The following LGSN variants were observed in gnomAD, a reference collection of about 807,000 sequenced individuals.
LGSN encodes the protein lengsin, lens protein with glutamine synthetase domain, also known as lengsin.
A neutral mutation model predicts 19.5 loss-of-function variants in LGSN; 21 were observed. The ratio of observed to expected loss-of-function variants is 1.07; its 90% confidence interval spans 0.76 to 1.55. The LOEUF (loss-of-function observed/expected upper bound fraction) is 1.55. LGSN is among the 40% of genes most tolerant of loss of function. LGSN has a pLI of 0.00. For synonymous variants in LGSN, 257 were observed against 215.6 expected, an observed-to-expected ratio of 1.19 and a Z score of -1.68; for missense variants, 673 against 608.5, an observed-to-expected ratio of 1.11 and a Z score of -1.12.
intron 1 of LGSN, among the ~76,000 whole-genome samples, chr6:63,297,942 T>C (rs919914964): frequency 6.6e-6 from 1 of 152,242 alleles, no homozygotes; most frequent in African/African-American, 2.4e-5. Flanking sequence ...TCCCATCTTC[T>C]GTACCAAGAT....
At chr6:63,471,563 C>T in the LGSN span, among the ~76,000 whole-genome samples, 38 of 151,322 alleles carry the variant, frequency 2.5e-4, no homozygotes, top group African/African-American at 5.8e-4. Flanking sequence ...CTACTTGGGA[C>T]GCTAGGCAGG....
intron 1 of LGSN, among the ~76,000 whole-genome samples, chr6:63,307,203 A>T (rs899766832): frequency 1.3e-5 from 2 of 152,174 alleles, no homozygotes; most frequent in Admixed American, 6.5e-5. Flanking sequence ...ATTTAGTCTG[A>T]AAAATATCCC....
the LGSN span, among the ~76,000 whole-genome samples, chr6:63,369,071 C>T: frequency 3.9e-5 from 6 of 152,142 alleles, no homozygotes; most frequent in Admixed American, 2.0e-4. Flanking sequence ...AGGAAGGGAA[C>T]ATCAGTTTAA....
chr6:63,302,973 C>G (rs549971493), intron 1 of LGSN, among the ~76,000 whole-genome samples: 1 of 152,208 alleles, frequency 6.6e-6, no homozygotes, highest in Admixed American at 6.5e-5. Flanking sequence ...ACTAAAAATG[C>G]AAAAATTATT....
At chr6:63,331,220 G>A in the LGSN span, among the ~76,000 whole-genome samples, 1 of 152,156 alleles carries the variant, frequency 6.6e-6, no homozygotes, top group Admixed American at 6.5e-5. Flanking sequence ...CCTCTGGGAT[G>A]TAAATTGCAA....
the LGSN span, among the ~76,000 whole-genome samples, chr6:63,422,188 C>G: frequency 1.3e-5 from 2 of 152,124 alleles, no homozygotes; most frequent in Non-Finnish European, 2.9e-5. Flanking sequence ...CTCAACCTCC[C>G]TAGAAGTTGG....
the LGSN span, among the ~76,000 whole-genome samples, chr6:63,442,102 C>G: frequency 2.0e-5 from 3 of 152,292 alleles, no homozygotes; most frequent in East Asian, 5.8e-4. Flanking sequence ...CTCTTAAAGA[C>G]AGCGCATCTG....
chr6:63,406,370 AACTC>A, the LGSN span, among the ~76,000 whole-genome samples: 144 of 152,170 alleles, frequency 9.5e-4, 2 homozygotes, highest in African/African-American at 3.2e-3. Flanking sequence ...AGGATTAAGA[AACTC>A]ACTCAAAACC....
chr6:63,491,944 G>T, the LGSN span, among the ~76,000 whole-genome samples: 1 of 151,736 alleles, frequency 6.6e-6, no homozygotes, highest in Non-Finnish European at 1.5e-5. Flanking sequence ...CAGGAGAATC[G>T]CTTGAACCCG....
chr6:63,500,703 G>A, the LGSN span, among the ~76,000 whole-genome samples: 1 of 151,554 alleles, frequency 6.6e-6, no homozygotes, highest in African/African-American at 2.4e-5. Flanking sequence ...TTACAGGCGT[G>A]AGCCATCACA....
intron 1 of LGSN, among the ~76,000 whole-genome samples, chr6:63,311,976 G>T (rs1438072648): frequency 6.6e-6 from 1 of 152,130 alleles, no homozygotes; most frequent in African/African-American, 2.4e-5. Context: ...ATATAAGTGA[G>T]ATCATGAAGT....
the LGSN span, among the ~76,000 whole-genome samples, chr6:63,482,543 G>C: frequency 6.6e-6 from 1 of 152,106 alleles, no homozygotes. Context: ...AGCCTGGGCA[G>C]CATAGCAAGA....
the LGSN span, among the ~76,000 whole-genome samples, chr6:63,455,939 A>T: frequency 6.6e-6 from 1 of 151,286 alleles, no homozygotes; most frequent in Non-Finnish European, 1.5e-5. Flanking sequence ...TTTGATTATT[A>T]AAAACAAGAG....
the LGSN span, among the ~76,000 whole-genome samples, chr6:63,541,055 A>AAGGG: frequency 1.5e-5 from 2 of 133,972 alleles, no homozygotes; most frequent in Non-Finnish European, 3.2e-5. Flanking sequence ...GGAAGGAAGG[A>AAGGG]AGGGAGGGAA....
chr6:63,549,039 A>G, the LGSN span: 1 of 726,306 alleles, frequency 1.4e-6, no homozygotes, highest in African/African-American at 1.7e-5. Flanking sequence ...GTCGTGTGCA[A>G]TCACCACCGG....
upstream of LGSN, among the ~76,000 whole-genome samples, chr6:63,324,977 G>A (rs865797190): frequency 4.6e-5 from 7 of 151,708 alleles, no homozygotes; most frequent in Admixed American, 6.6e-5. Flanking sequence ...GTGGTTGAGC[G>A]CCTATAGTTC....
the LGSN span, among the ~76,000 whole-genome samples, chr6:63,359,186 C>G: frequency 6.6e-6 from 1 of 152,168 alleles, no homozygotes; most frequent in Non-Finnish European, 1.5e-5. Flanking sequence ...ATGAAGCCCA[C>G]TTGATCATGG....
At chr6:63,473,820 TTCTCTG>T in the LGSN span, among the ~76,000 whole-genome samples, 1 of 148,208 alleles carries the variant, frequency 6.7e-6, no homozygotes, top group Admixed American at 6.9e-5. Flanking sequence ...TTGAGCCAGA[TTCTCTG>T]TCTAGAAAAT....
chr6:63,492,102 T>A, the LGSN span, among the ~76,000 whole-genome samples: 1 of 152,224 alleles, frequency 6.6e-6, no homozygotes, highest in Admixed American at 6.5e-5. Context: ...CGAGCATCAT[T>A]TTCACAACTT....
Sources: gnomAD v4.1 joint callset for allele counts (sites outside exome capture counted in the v4.1 genomes callset) on GRCh38, gnomAD v4.1.1 for gene constraint, MANE v1.5 for transcripts, NCBI Gene and HGNC (gene_info 2026-07-23, HGNC 2026-07-21) for gene names.